CDH12: variants seen among roughly 807,000 people sequenced by gnomAD.
CDH12 encodes the protein cadherin 12.
A neutral mutation model predicts 74.1 loss-of-function variants in CDH12; 41 were observed. That is an observed-to-expected ratio of 0.55 (90% CI 0.43 to 0.72). The LOEUF is 0.72. Ranked by LOEUF, CDH12 falls within the 30% of genes least tolerant of loss-of-function variation. The probability of loss-of-function intolerance (pLI) is 0.00; values close to 1 mark genes in which losing one functional copy is unlikely to be tolerated. For missense variants in CDH12, 945 were observed against 977.2 expected (o/e 0.97, Z 0.44); for synonymous variants, 399 against 355.0 (o/e 1.12, Z -1.39).
At chr5:21,901,556 CTGCTTCAA>C (rs749248623) in intron 6 of CDH12, among the ~76,000 whole-genome samples, 7 of 152,216 alleles carry the variant, frequency 4.6e-5, no homozygotes, top group Non-Finnish European at 1.0e-4. Flanking sequence ...ACTGGAACTA[CTGCTTCAA>C]TGCTTTCTGA....
chr5:22,404,425 C>A (rs1204732219), intron 3 of CDH12, among the ~76,000 whole-genome samples: 1 of 152,106 alleles, frequency 6.6e-6, no homozygotes, highest in African/African-American at 2.4e-5. Flanking sequence ...TAGTATTTAA[C>A]AGTTTATTTT....
intron 1 of CDH12, among the ~76,000 whole-genome samples, chr5:22,769,839 T>C (rs1322659875): frequency 6.6e-6 from 1 of 152,096 alleles, no homozygotes; most frequent in East Asian, 1.9e-4. Flanking sequence ...ATTTGGAGTA[T>C]AGAAGGAGCA....
intron 1 of CDH12, among the ~76,000 whole-genome samples, chr5:22,790,847 T>C (rs796172456): frequency 3.9e-5 from 6 of 152,264 alleles, no homozygotes; most frequent in African/African-American, 1.4e-4. Flanking sequence ...AGTCATAGAC[T>C]CATGGCATCG....
intron 2 of CDH12, among the ~76,000 whole-genome samples, chr5:22,448,920 G>A (rs2070254846): frequency 6.6e-6 from 1 of 151,810 alleles, no homozygotes; most frequent in South Asian, 2.1e-4. Flanking sequence ...TAAAAACTAA[G>A]TGCAATTATG....
intron 1 of CDH12, among the ~76,000 whole-genome samples, chr5:22,668,629 C>T (rs903963879): frequency 2.0e-5 from 3 of 152,072 alleles, no homozygotes; most frequent in African/African-American, 2.4e-5. Flanking sequence ...CTTTTAAAGT[C>T]ATCAGTCTCT....
chr5:22,718,753 A>T (rs1743718764), intron 1 of CDH12, among the ~76,000 whole-genome samples: 1 of 152,126 alleles, frequency 6.6e-6, no homozygotes, highest in Admixed American at 6.5e-5. Context: ...AGGGGATCAA[A>T]CTGCAGTAAG....
At chr5:22,737,833 A>T (rs1744821115) in intron 1 of CDH12, among the ~76,000 whole-genome samples, 1 of 152,206 alleles carries the variant, frequency 6.6e-6, no homozygotes, top group South Asian at 2.1e-4. Context: ...ACATGGATTC[A>T]TTTAGCAATT....
rs145792724 is a variant in CDH12, at chr5:22,479,674, T to C, written c.-428+25596A>G. ...AAATCATTATCTATTTGTTGGAAAA[T>C]GGATAATGACATGAGCCTTCTGTAA... is the stretch of plus-strand genomic sequence containing the variant. On this transcript the variant is annotated intron_variant, in intron 2 of 14. Transcript: ENST00000382254. Among the ~76,000 whole-genome samples, 922 of 152,290 alleles carry C rather than the reference T, an allele frequency of 6.1e-3. 16 individuals are homozygous for C. Among genetic ancestry groups the C allele is most frequent in the Admixed American group, 0.015 (232 of 15,298 alleles).
At chr5:22,149,128 A>G (rs1747407146) in intron 4 of CDH12, among the ~76,000 whole-genome samples, 1 of 152,110 alleles carries the variant, frequency 6.6e-6, no homozygotes, top group African/African-American at 2.4e-5. Context: ...AAAAATAAAT[A>G]AACAAAAGAT....
At chr5:22,474,041 T>C (rs887589211) in intron 2 of CDH12, among the ~76,000 whole-genome samples, 4 of 152,172 alleles carry the variant, frequency 2.6e-5, no homozygotes, top group African/African-American at 9.6e-5. Flanking sequence ...GCTCATCTTC[T>C]TACATAACAC....
At chr5:22,211,097 T>C (rs1165933653) in intron 4 of CDH12, among the ~76,000 whole-genome samples, 1 of 152,152 alleles carries the variant, frequency 6.6e-6, no homozygotes, top group Non-Finnish European at 1.5e-5. Context: ...TGAAAAGCTC[T>C]CCAGAGAATT....
intron 2 of CDH12, among the ~76,000 whole-genome samples, chr5:22,443,157 A>G (rs1191624148): frequency 6.6e-6 from 1 of 152,166 alleles, no homozygotes; most frequent in African/African-American, 2.4e-5. Context: ...TTCTCAATCA[A>G]AGTAAGAGTC....
At chr5:21,973,345 A>G (rs1443862167) in intron 6 of CDH12, among the ~76,000 whole-genome samples, 1 of 152,214 alleles carries the variant, frequency 6.6e-6, no homozygotes. Context: ...TCTTCCAAAG[A>G]TCTTTCCAGT....
In CDH12 at chr5:22,387,561, A is replaced by G. The variant is rs561127786; in HGVS notation, c.-333+17696T>C. 5.9e-5 allele frequency among the ~76,000 whole-genome samples: 9 copies of G among 152,294 alleles called. No homozygotes were observed. In the East Asian group the frequency reaches 1.7e-3, roughly 29 times the overall value. ...CACAAAAGCCTATTGGCTGCTGTCT[A>G]CATACAGAATATGTAGAATATAGAA... On this transcript the variant is annotated intron_variant, in intron 3 of 14. Coordinates refer to ENST00000382254, the MANE Select transcript of CDH12 (RefSeq NM_004061.5).
At chr5:22,332,792 C>T (rs188651263) in intron 3 of CDH12, among the ~76,000 whole-genome samples, 104 of 152,064 alleles carry the variant, frequency 6.8e-4, no homozygotes, top group Non-Finnish European at 1.0e-4. Context: ...CTCAGAATGG[C>T]GATTATTAAA....
At chr5:22,589,405 T>C (rs1362477624) in intron 1 of CDH12, among the ~76,000 whole-genome samples, 1 of 152,154 alleles carries the variant, frequency 6.6e-6, no homozygotes, top group Non-Finnish European at 1.5e-5. Context: ...TTGTAATCCA[T>C]CAAGATTTTG....
chr5:22,304,004 A>G lies in CDH12; in HGVS notation c.-332-91361T>C, dbSNP rs933870508. On this transcript the variant is annotated intron_variant, in intron 3 of 14. Transcript: ENST00000382254. ...ATACTAAACATTTTATAACAACCCCAAAAGTATTCAAACCACCCACCCTTC... is the reference window on the plus strand; with the variant it reads ...ATACTAAACATTTTATAACAACCCCGAAAGTATTCAAACCACCCACCCTTC... 3.9e-5 allele frequency among the ~76,000 whole-genome samples: 6 copies of G among 152,322 alleles called. No individual in the cohort carries two copies. The East Asian group carries it at 1.2e-3, about 29-fold the overall frequency.
intron 1 of CDH12, among the ~76,000 whole-genome samples, chr5:22,706,761 A>T (rs531752242): frequency 6.6e-6 from 1 of 152,152 alleles, no homozygotes; most frequent in African/African-American, 2.4e-5. Flanking sequence ...TGAATTACTG[A>T]GAAAAAGTTG....
chr5:21,870,275 A>G (rs993530444), intron 6 of CDH12, among the ~76,000 whole-genome samples: 1 of 152,112 alleles, frequency 6.6e-6, no homozygotes, highest in African/African-American at 2.4e-5. Flanking sequence ...TTGGGAAAGC[A>G]CTACTTCTGT....
Sources: allele counts gnomAD v4.1 joint callset (sites outside exome capture counted in the v4.1 genomes callset), GRCh38; gene constraint gnomAD v4.1.1; transcripts MANE v1.5; gene names NCBI Gene and HGNC (gene_info 2026-07-23, HGNC 2026-07-21).